Variants in VPS13B observed in about 807,000 individuals in gnomAD.
VPS13B encodes vacuolar protein sorting 13 homolog B.
VPS13B carries 285 observed loss-of-function variants against 426.4 expected under a neutral mutation model. The ratio of observed to expected loss-of-function variants is 0.67; its 90% CI spans 0.61 to 0.74. The LOEUF (loss-of-function observed/expected upper bound fraction) is 0.74. Ranked by LOEUF, VPS13B falls within the 30% of genes least tolerant of loss-of-function variation. The pLI is 0.00. For missense variants in VPS13B, 4,537 were observed against 4,782.6 expected (o/e 0.95, Z 1.51); for synonymous variants, 1,676 against 1,676.4 (o/e 1.00, Z 0.01).
chr8:99,322,811 G>A (rs1810049393), intron 19 of VPS13B, among the ~76,000 whole-genome samples: 1 of 152,206 alleles, frequency 6.6e-6, no homozygotes, highest in Admixed American at 6.5e-5. Context: ...CATTAGGATA[G>A]AAACAAAGAC....
At chr8:99,813,179 A>G (rs1402325978) in intron 44 of VPS13B, among the ~76,000 whole-genome samples, 8 of 152,166 alleles carry the variant, frequency 5.3e-5, no homozygotes, top group Non-Finnish European at 1.0e-4. Flanking sequence ...TCTTTCATCT[A>G]AAGTAGCCTT....
At chr8:99,467,697 C>T in intron 24 of VPS13B, 63 bp downstream of exon 24, 1 of 1,531,266 alleles carries the variant, frequency 6.5e-7, no homozygotes, top group Non-Finnish European at 8.9e-7. Flanking sequence ...AATTGTTATC[C>T]ATTTTGTTGA....
intron 25 of VPS13B, among the ~76,000 whole-genome samples, chr8:99,482,926 A>G (rs16897397): frequency 0.026 from 3,934 of 152,100 alleles, 172 homozygotes; most frequent in African/African-American, 0.09. Flanking sequence ...TTTCCAAAAC[A>G]TTGCTTAGAG....
At chr8:99,124,129 G>T (rs866382783) in intron 8 of VPS13B, among the ~76,000 whole-genome samples, 1 of 152,154 alleles carries the variant, frequency 6.6e-6, no homozygotes, top group Non-Finnish European at 1.5e-5. Context: ...GATCAATATT[G>T]TAGGCAGAAA....
chr8:99,855,170 G>A (rs1563510883), intron 56 of VPS13B, among the ~76,000 whole-genome samples: 1 of 152,078 alleles, frequency 6.6e-6, no homozygotes, highest in Non-Finnish European at 1.5e-5. Flanking sequence ...GAGCACGGGA[G>A]TTCAAGACCA....
chr8:99,513,712 T>C (rs1026231635), intron 29 of VPS13B, among the ~76,000 whole-genome samples: 1 of 152,200 alleles, frequency 6.6e-6, no homozygotes, highest in African/African-American at 2.4e-5. Flanking sequence ...CAGTAACAAA[T>C]TTAAATTTTA....
At chr8:99,185,360 T>C (rs1300916584) in intron 16 of VPS13B, among the ~76,000 whole-genome samples, 17 of 152,198 alleles carry the variant, frequency 1.1e-4, no homozygotes, top group Admixed American at 1.1e-3. Flanking sequence ...TTTTTAAAAC[T>C]TTAAAAACTT....
At chr8:99,495,816 A>T (rs1038232888) in intron 25 of VPS13B, among the ~76,000 whole-genome samples, 1 of 151,878 alleles carries the variant, frequency 6.6e-6, no homozygotes, top group Non-Finnish European at 1.5e-5. Flanking sequence ...TTGTTTTTTG[A>T]ATTTCTTAAA....
chr8:99,767,963 T>C (rs1393685426), intron 40 of VPS13B, among the ~76,000 whole-genome samples: 1 of 152,120 alleles, frequency 6.6e-6, no homozygotes, highest in African/African-American at 2.4e-5. Flanking sequence ...CAGATTATCC[T>C]CATTTCAGTT....
At chr8:99,064,890 T>C (rs1844393830) in intron 3 of VPS13B, among the ~76,000 whole-genome samples, 1 of 152,178 alleles carries the variant, frequency 6.6e-6, no homozygotes, top group South Asian at 2.1e-4. Flanking sequence ...GTGAAGCCCA[T>C]CAGACTAACA....
intron 39 of VPS13B, among the ~76,000 whole-genome samples, chr8:99,738,524 G>A (rs1243525778): frequency 6.6e-6 from 1 of 152,160 alleles, no homozygotes; most frequent in African/African-American, 2.4e-5. Context: ...GCTTAACCTT[G>A]ATGTAAGCTA....
At chr8:99,745,148 A>C (rs1810018147) in intron 39 of VPS13B, among the ~76,000 whole-genome samples, 1 of 151,936 alleles carries the variant, frequency 6.6e-6, no homozygotes, top group Non-Finnish European at 1.5e-5. Context: ...ATGTGGATTT[A>C]GTTTGATCAA....
At chr8:99,580,202 T>C (rs578052975) in intron 33 of VPS13B, among the ~76,000 whole-genome samples, 75 of 151,610 alleles carry the variant, frequency 4.9e-4, no homozygotes, top group African/African-American at 1.7e-3. Context: ...ACCCTGTGAA[T>C]TATAGACCAG....
chr8:99,391,282 T>C (rs1003286302), intron 20 of VPS13B, among the ~76,000 whole-genome samples: 4 of 152,190 alleles, frequency 2.6e-5, no homozygotes, highest in African/African-American at 4.8e-5. Context: ...GGCTCTTTGG[T>C]TTTCACTCAG....
chr8:99,499,037 A>T (rs1445691261), intron 25 of VPS13B, among the ~76,000 whole-genome samples: 1 of 152,146 alleles, frequency 6.6e-6, no homozygotes, highest in Non-Finnish European at 1.5e-5. Flanking sequence ...GAAGGGATAT[A>T]AAGTGTTTGC....
rs915952265 is a variant in VPS13B, at chr8:99,802,450, AT to A, written c.7942-6917del. Reference sequence around the variant, plus strand: ...GACCTCTGTATGCATCCTATTAGACATTTTTTTTATTTTAATAACATTTTTG... The same window carrying A: ...GACCTCTGTATGCATCCTATTAGACATTTTTTTATTTTAATAACATTTTTG... On this transcript the variant is annotated intron_variant, in intron 43 of 61. Transcript: ENST00000357162. Among the ~76,000 whole-genome samples, 31 of 152,054 alleles carry A rather than the reference AT, an allele frequency of 2.0e-4. 1 individual carries two copies. Among genetic ancestry groups the A allele is most frequent in the Admixed American group, 3.9e-4 (6 of 15,260 alleles).
intron 22 of VPS13B, among the ~76,000 whole-genome samples, chr8:99,436,558 G>T (rs1817387377): frequency 6.6e-6 from 1 of 151,984 alleles, no homozygotes; most frequent in Non-Finnish European, 1.5e-5. Flanking sequence ...CTTTATATAG[G>T]TTATCTTATA....
chr8:99,766,595 A>G (rs538122238), intron 39 of VPS13B, among the ~76,000 whole-genome samples, 179 bp from the exon 40 acceptor site: 26 of 152,352 alleles, frequency 1.7e-4, no homozygotes, highest in African/African-American at 6.0e-4. Context: ...GTCTTTAAAA[A>G]TAAACAGGAT....
chr8:99,867,672 A>G (rs577728665), intron 58 of VPS13B, among the ~76,000 whole-genome samples: 1 of 152,306 alleles, frequency 6.6e-6, no homozygotes, highest in African/African-American at 2.4e-5. Context: ...AAAACAATGT[A>G]TGACTCCTAG....
Sources: allele counts gnomAD v4.1 joint callset (sites outside exome capture counted in the v4.1 genomes callset), GRCh38; gene constraint gnomAD v4.1.1; transcripts MANE v1.5; gene names NCBI Gene and HGNC (gene_info 2026-07-23, HGNC 2026-07-21).